The following ERBB4 variants were observed in gnomAD, a reference collection of about 807,000 sequenced individuals.
ERBB4 encodes the protein erb-b2 receptor tyrosine kinase 4.
Under a neutral mutation model 158.0 loss-of-function variants are expected in ERBB4, and 42 were observed. That is an observed-to-expected ratio of 0.27 (90% CI 0.21 to 0.34). ERBB4 has a LOEUF of 0.34. Ranked by LOEUF, ERBB4 falls within the 10% of genes least tolerant of loss-of-function variation. The pLI is 1.00. For synonymous variants in ERBB4, 583 were observed against 558.7 expected, an observed-to-expected ratio of 1.04 and a Z score of -0.61; for missense variants, 1,333 against 1,624.1, an observed-to-expected ratio of 0.82 and a Z score of 3.08.
chr2:212,288,570 T>C (rs1347248222), intron 1 of ERBB4, among the ~76,000 whole-genome samples: 1 of 152,080 alleles, frequency 6.6e-6, no homozygotes, highest in African/African-American at 2.4e-5. Flanking sequence ...AACCTGGAAT[T>C]CAGTGTGCGA....
chr2:211,990,199 T>C (rs994438678), intron 2 of ERBB4, among the ~76,000 whole-genome samples: 4 of 152,020 alleles, frequency 2.6e-5, no homozygotes, highest in Non-Finnish European at 5.9e-5. Flanking sequence ...AATGTGAAAG[T>C]GGATTTTTGT....
intron 1 of ERBB4, among the ~76,000 whole-genome samples, chr2:212,448,514 T>C (rs2062929): frequency 0.17 from 26,368 of 152,022 alleles, 2,686 homozygotes; most frequent in Non-Finnish European, 0.23. Flanking sequence ...TCAGTGCATT[T>C]ATAGCATAGT....
intron 2 of ERBB4, among the ~76,000 whole-genome samples, chr2:212,013,693 G>T (rs1445575638): frequency 6.6e-6 from 1 of 152,192 alleles, no homozygotes; most frequent in East Asian, 1.9e-4. Context: ...GCCAAGGATT[G>T]CTGGCAATTA....
rs576530921 is a variant in ERBB4 at position 212,458,775 on chromosome 2, G to A, written c.82+79674C>T. Among the ~76,000 whole-genome samples the A allele has an allele frequency of 7.9e-5, 12 of 152,224 alleles. No homozygotes were observed. The East Asian group carries it at 1.9e-3, about 24-fold the overall frequency. Reference sequence around the variant, plus strand: ...GCAGTAGAAGTTAAGAAGGAGAGAAGGAGGTGAACAGATGAGGAAAATGTT... The same window carrying A: ...GCAGTAGAAGTTAAGAAGGAGAGAAAGAGGTGAACAGATGAGGAAAATGTT... On this transcript the variant is annotated intron_variant, in intron 1 of 27. Transcript: ENST00000342788.
intron 5 of ERBB4, among the ~76,000 whole-genome samples, chr2:211,726,749 A>G (rs1225197089): frequency 1.3e-5 from 2 of 152,128 alleles, no homozygotes; most frequent in Non-Finnish European, 2.9e-5. Flanking sequence ...CCTAAAAGTA[A>G]TGGCTTGAAC....
At chr2:212,188,161 G>C (rs2082070491) in intron 1 of ERBB4, among the ~76,000 whole-genome samples, 1 of 130,490 alleles carries the variant, frequency 7.7e-6, no homozygotes, top group Non-Finnish European at 1.6e-5. Flanking sequence ...AATCCTGTCA[G>C]ATCTCCCTTA....
intron 3 of ERBB4, among the ~76,000 whole-genome samples, chr2:211,828,581 A>T (rs1480315029): frequency 6.6e-6 from 1 of 152,054 alleles, no homozygotes; most frequent in East Asian, 1.9e-4. Context: ...TTTTTTTGTC[A>T]CTGTTGCTAC....
chr2:212,079,095 T>C (rs192146773), intron 2 of ERBB4, among the ~76,000 whole-genome samples: 23 of 151,202 alleles, frequency 1.5e-4, no homozygotes, highest in African/African-American at 5.1e-4. Flanking sequence ...TTCTCTTTTT[T>C]GATGTTAGAT....
chr2:212,260,295 A>G (rs1559868612), intron 1 of ERBB4, among the ~76,000 whole-genome samples: 1 of 152,222 alleles, frequency 6.6e-6, no homozygotes, highest in Non-Finnish European at 1.5e-5. Flanking sequence ...AAAAGAAACA[A>G]AAGAGTAGAG....
rs1456599618 is a variant in ERBB4 at position 211,890,208 on chromosome 2, C to T, written c.421+57222G>A. 3.6e-3 allele frequency among the ~76,000 whole-genome samples: 312 copies of T among 86,822 alleles called. 2 individuals carry two copies. Among genetic ancestry groups the T allele is most frequent in the Non-Finnish European group, 5.2e-3 (227 of 43,490 alleles). 57.0% of individuals were successfully genotyped at this position (86,822 alleles called of 152,430 possible). A position where few individuals can be genotyped will look rare whatever the true frequency, so the allele number is the denominator to read the frequency against. On this transcript the variant is annotated intron_variant, in intron 3 of 27. Transcript: ENST00000342788. ...CCCATCAGACTAACAGCGGATCTCT[C>T]GGCAGAAACCCTACAAGCCAGAAGA...
intron 1 of ERBB4, among the ~76,000 whole-genome samples, chr2:212,200,933 C>T (rs1459466461): frequency 1.3e-5 from 2 of 152,098 alleles, no homozygotes; most frequent in East Asian, 3.9e-4. Context: ...CCTGAGGAAT[C>T]AGTTAGTCAG....
intron 20 of ERBB4, among the ~76,000 whole-genome samples, chr2:211,543,245 G>A (rs576996659): frequency 6.6e-5 from 10 of 151,992 alleles, no homozygotes; most frequent in African/African-American, 2.2e-4. Context: ...TATTTCTAAC[G>A]GCAGCAACAT....
At chr2:211,825,261 T>G (rs1256097269) in intron 3 of ERBB4, among the ~76,000 whole-genome samples, 1 of 151,852 alleles carries the variant, frequency 6.6e-6, no homozygotes, top group Non-Finnish European at 1.5e-5. Flanking sequence ...AATAAGTAGT[T>G]AACGGTAATG....
At chr2:211,389,009 C>G (rs775090891) in intron 25 of ERBB4, among the ~76,000 whole-genome samples, 11 of 152,010 alleles carry the variant, frequency 7.2e-5, no homozygotes, top group Non-Finnish European at 1.6e-4. Flanking sequence ...TAAAATAAAC[C>G]TCTAAGATAC....
chr2:212,312,379 A>G (rs1002047810), intron 1 of ERBB4, among the ~76,000 whole-genome samples: 2 of 150,976 alleles, frequency 1.3e-5, no homozygotes, highest in Non-Finnish European at 3.0e-5. Context: ...TCATTGAATT[A>G]GAAATTATGC....
At chr2:212,062,463 G>A (rs1401532263) in intron 2 of ERBB4, among the ~76,000 whole-genome samples, 5 of 119,184 alleles carry the variant, frequency 4.2e-5, no homozygotes, top group Admixed American at 3.5e-4. Flanking sequence ...CTGTTGCCAG[G>A]CTGGTGCAAT....
chr2:212,331,278 T>C (rs1480235188), intron 1 of ERBB4, among the ~76,000 whole-genome samples: 1 of 151,120 alleles, frequency 6.6e-6, no homozygotes, highest in Non-Finnish European at 1.5e-5. Context: ...ATAATATAAC[T>C]AGTATGAATA....
chr2:212,271,132 CT>C lies in ERBB4; in HGVS notation c.83-146230del, dbSNP rs2085328364. On this transcript the variant is annotated intron_variant, in intron 1 of 27. Transcript: ENST00000342788. Reference sequence around the variant, plus strand: ...TAATATTTGGAAACTTGTGAATTTACTTATCTAATGCCTTTTGATTACAGAA... The same window carrying C: ...TAATATTTGGAAACTTGTGAATTTACTATCTAATGCCTTTTGATTACAGAA... Among the ~76,000 whole-genome samples the C allele has an allele frequency of 2.0e-5, 3 of 151,688 alleles. No homozygotes were observed. In the South Asian group the frequency reaches 6.2e-4, roughly 31 times the overall value.
At chr2:212,014,947 C>T (rs1027320038) in intron 2 of ERBB4, among the ~76,000 whole-genome samples, 1 of 148,462 alleles carries the variant, frequency 6.7e-6, no homozygotes, top group Non-Finnish European at 1.5e-5. Flanking sequence ...AATCGCAGCA[C>T]TTTGGGAGGC....
Sources: gnomAD v4.1 joint callset for allele counts (sites outside exome capture counted in the v4.1 genomes callset) on GRCh38, gnomAD v4.1.1 for gene constraint, MANE v1.5 for transcripts, NCBI Gene and HGNC (gene_info 2026-07-23, HGNC 2026-07-21) for gene names.